ZFYVE16: variants seen among roughly 807,000 people sequenced by gnomAD.
ZFYVE16 encodes the protein zinc finger FYVE domain-containing protein 16.
Under a neutral mutation model 138.1 loss-of-function variants are expected in ZFYVE16, and 89 were observed. The ratio of observed to expected loss-of-function variants is 0.64; its 90% CI spans 0.54 to 0.77. The LOEUF is 0.77. ZFYVE16 is among the 30% of genes least tolerant of loss of function. ZFYVE16 has a pLI of 0.00. For missense variants in ZFYVE16, 1,793 were observed against 1,786.7 expected (o/e 1.00, Z -0.06); for synonymous variants, 596 against 618.3 (o/e 0.96, Z 0.53).
At chr5:80,457,163 A>G (rs1198780991) in intron 14 of ZFYVE16, 71 bp downstream of exon 14, 1 of 1,551,222 alleles carries the variant, frequency 6.4e-7, no homozygotes, top group African/African-American at 1.4e-5. Flanking sequence ...CAAAGGGGAA[A>G]TATATGTATA....
At position 80,438,377 on chromosome 5, in the gene ZFYVE16, A is replaced by G; in HGVS notation, c.1692A>G (p.Ile564Met). 1 of 1,613,802 alleles carries G rather than the reference A, an allele frequency of 6.2e-7. No homozygotes were observed. Among genetic ancestry groups the G allele is most frequent in the Non-Finnish European group, 8.5e-7 (1 of 1,179,906 alleles). The part of the protein sequence containing the change: ...VNDSKSQMNQ[I>M]DMKGLDDGNI... ...ACTCTAAATCGCAAATGAATCAGAT[A>G]GATATGAAAGGCTTAGATGATGGAA... Residue 564 changes from isoleucine to methionine, a missense_variant, in exon 4 of 19, where the codon ATA becomes ATG. Coordinates refer to ENST00000505560, the MANE Select transcript of ZFYVE16 (RefSeq NM_001284236.3).
At chr5:80,455,230 G>A in intron 11 of ZFYVE16, 2 of 181,240 alleles carry the variant, frequency 1.1e-5, no homozygotes, top group Non-Finnish European at 2.3e-5. Context: ...TAGATACACA[G>A]TAAGTGTTAA....
chr5:80,467,543 T>G (rs1424468855), intron 15 of ZFYVE16, among the ~76,000 whole-genome samples: 2 of 152,218 alleles, frequency 1.3e-5, no homozygotes, highest in Non-Finnish European at 2.9e-5. Context: ...CAGCAGAGAC[T>G]TTAGTGACTA....
chr5:80,411,039 T>G (rs755126592), intron 1 of ZFYVE16, among the ~76,000 whole-genome samples: 1 of 151,780 alleles, frequency 6.6e-6, no homozygotes, highest in Non-Finnish European at 1.5e-5. Context: ...CCATCTCGGC[T>G]CACTGCAACC....
rs1755249732 is a variant in ZFYVE16, at chr5:80,481,017, T to A, written c.*3640T>A. ...TCTAGTCAGAGGACCAGAAAGGAGG[T>A]TGGAGGCTATGGGACAAAACCCTTT... On this transcript the variant is annotated 3_prime_UTR_variant, in exon 19 of 19. Coordinates refer to ENST00000505560, the MANE Select transcript of ZFYVE16 (RefSeq NM_001284236.3). Among the ~76,000 whole-genome samples the A allele has an allele frequency of 6.6e-6, 1 of 151,828 alleles. No homozygotes were observed. The highest frequency in any genetic ancestry group is 2.1e-4 in the South Asian group (1 of 4,816).
At chr5:80,421,140 GTTGT>G (rs1258397859) in intron 1 of ZFYVE16, among the ~76,000 whole-genome samples, 8 of 151,974 alleles carry the variant, frequency 5.3e-5, no homozygotes, top group Admixed American at 2.0e-4. Flanking sequence ...TTTTGATGGG[GTTGT>G]TTGTTTTTTT....
intron 18 of ZFYVE16, among the ~76,000 whole-genome samples, chr5:80,475,590 G>T (rs1456372174): frequency 6.6e-6 from 1 of 152,170 alleles, no homozygotes; most frequent in Non-Finnish European, 1.5e-5. Context: ...GCAAATAAGT[G>T]TGTGTCCTCC....
chr5:80,451,453 TAA>T, intron 10 of ZFYVE16, 30 bp from the exon 11 acceptor site: 1 of 1,539,210 alleles, frequency 6.5e-7, no homozygotes, highest in Non-Finnish European at 8.8e-7. Context: ...CAAAACAACT[TAA>T]AATCTTTTTA....
intron 8 of ZFYVE16, 27 bp from the exon 9 acceptor site, chr5:80,449,564 G>A (rs1751760441): frequency 6.3e-7 from 1 of 1,593,648 alleles, no homozygotes; most frequent in Non-Finnish European, 8.5e-7. Flanking sequence ...TATTTATCCT[G>A]ATTAATATAT....
Position 80,451,829 on chromosome 5 carries a change from C to T in ZFYVE16, c.3607+120C>T, listed in dbSNP as rs904307445. ...ATGGAACTACTTTTGTTTTGCTATG[C>T]TTTTAAAGTTCTAAGACAACCCTCT... On this transcript the variant is annotated intron_variant, in intron 11 of 18. Transcript: ENST00000505560. 17 of 1,004,494 alleles carry T rather than the reference C, an allele frequency of 1.7e-5. No individual in the cohort carries two copies. In the Admixed American group the frequency reaches 4.5e-4, roughly 26 times the overall value. 62.2% of individuals were successfully genotyped at this position (1,004,494 alleles called of 1,614,324 possible). A position where few individuals can be genotyped will look rare whatever the true frequency, so the allele number is the denominator to read the frequency against.
rs1395997009 is a variant in ZFYVE16 at position 80,437,963 on chromosome 5, A to C, written c.1278A>C (p.Glu426Asp). The C allele has an allele frequency of 1.2e-6, 2 of 1,614,046 alleles. No individual in the cohort carries two copies. The highest frequency in any genetic ancestry group is 2.2e-5 in the East Asian group (1 of 44,876). The change falls in exon 4 of 19, where the codon GAA (glutamate) becomes GAC (aspartate). Residue 426 changes from glutamate (E) to aspartate (D), a missense_variant. By Grantham distance (45) the Glu-to-Asp change is conservative. Coordinates refer to ENST00000505560, the MANE Select transcript of ZFYVE16 (RefSeq NM_001284236.3). ...EIQNSVVLGG[E>D]PFKENDLLKQ... is the part of the protein sequence containing the mutation. ...AGAACAGTGTTGTTCTAGGTGGGGA[A>C]CCATTCAAAGAGAATGATCTTTTGA...
At chr5:80,417,463 A>G (rs1047205443) in intron 1 of ZFYVE16, among the ~76,000 whole-genome samples, 2 of 152,168 alleles carry the variant, frequency 1.3e-5, no homozygotes, top group African/African-American at 4.8e-5. Context: ...CACCATTACT[A>G]CCCTAAAAAG....
In ZFYVE16 at chr5:80,441,574, C is replaced by A. The variant is rs1354065201; in HGVS notation, c.2419+1542C>A. On this transcript the variant is annotated intron_variant, in intron 5 of 18. Coordinates refer to ENST00000505560, the MANE Select transcript of ZFYVE16 (RefSeq NM_001284236.3). ...ATCAAATAAGAAGAGAAAGACGGTT[C>A]ATGGGTTGTGAGACATATGCCATGA... 3 of 985,104 alleles carry A rather than the reference C, an allele frequency of 3.0e-6. No homozygotes were observed. The African/African-American group carries it at 5.2e-5, about 17-fold the overall frequency. 61.0% of individuals were successfully genotyped at this position (985,104 alleles called of 1,614,324 possible). A position where few individuals can be genotyped will look rare whatever the true frequency, so the allele number is the denominator to read the frequency against.
intron 11 of ZFYVE16, chr5:80,454,197 C>T (rs1752271511): frequency 6.6e-6 from 1 of 152,076 alleles, no homozygotes; most frequent in Non-Finnish European, 1.5e-5. Context: ...GTCTTTAAAG[C>T]AGCTAATGTT....
At chr5:80,457,985 C>T (rs1206720341) in intron 14 of ZFYVE16, among the ~76,000 whole-genome samples, 1 of 148,900 alleles carries the variant, frequency 6.7e-6, no homozygotes, top group Non-Finnish European at 1.5e-5. Flanking sequence ...CAGATCGTGC[C>T]ACTGCACTCC....
intron 1 of ZFYVE16, among the ~76,000 whole-genome samples, chr5:80,415,511 A>G (rs1746074718): frequency 6.6e-6 from 1 of 152,116 alleles, no homozygotes; most frequent in African/African-American, 2.4e-5. Flanking sequence ...GATGCTCTTG[A>G]AAGTTTTGAG....
intron 15 of ZFYVE16, among the ~76,000 whole-genome samples, chr5:80,467,020 C>T (rs972481158): frequency 4.6e-5 from 7 of 152,176 alleles, no homozygotes; most frequent in African/African-American, 1.7e-4. Flanking sequence ...AACTTACTAT[C>T]AGACAGTTGT....
chr5:80,416,247 ATTTTTTT>A (rs70988469), intron 1 of ZFYVE16, among the ~76,000 whole-genome samples: 4 of 73,346 alleles, frequency 5.5e-5, no homozygotes, highest in South Asian at 5.9e-4. Flanking sequence ...GAATACATAG[ATTTTTTT>A]TTTTTTTTTT....
At chr5:80,432,732 A>G (rs1471320243) in intron 2 of ZFYVE16, among the ~76,000 whole-genome samples, 2 of 152,206 alleles carry the variant, frequency 1.3e-5, no homozygotes, top group African/African-American at 4.8e-5. Flanking sequence ...AACTCAAACA[A>G]ATTTACAAGA....
Sources: allele counts gnomAD v4.1 joint callset (sites outside exome capture counted in the v4.1 genomes callset), GRCh38; gene constraint gnomAD v4.1.1; transcripts MANE v1.5; gene names NCBI Gene and HGNC (gene_info 2026-07-23, HGNC 2026-07-21).